ST3GAL6: variants seen among roughly 807,000 people sequenced by gnomAD.
The protein encoded by ST3GAL6 is type 2 lactosamine alpha-2,3-sialyltransferase.
Under a neutral mutation model 40.5 loss-of-function variants are expected in ST3GAL6, and 31 were observed. The observed-to-expected ratio is 0.77, with a 90% CI of 0.58 to 1.03. The LOEUF (loss-of-function observed/expected upper bound fraction) is 1.03. ST3GAL6 is among the 50% of genes least tolerant of loss of function. ST3GAL6 has a pLI of 0.00. For missense variants in ST3GAL6, 357 were observed against 393.2 expected, an observed-to-expected ratio of 0.91 and a Z score of 0.78; for synonymous variants, 129 against 136.9, an observed-to-expected ratio of 0.94 and a Z score of 0.40.
intron 6 of ST3GAL6, among the ~76,000 whole-genome samples, chr3:98,786,128 T>A (rs1431718283): frequency 1.3e-5 from 2 of 152,056 alleles, no homozygotes; most frequent in Admixed American, 1.3e-4. Flanking sequence ...AGTGGGTTTG[T>A]CGAGTAGGCA....
upstream of ST3GAL6, among the ~76,000 whole-genome samples, chr3:98,761,607 C>G (rs1475004039): frequency 4.5e-5 from 5 of 110,828 alleles, 1 homozygote; most frequent in Admixed American, 5.4e-4. Flanking sequence ...AAGACTCCAT[C>G]TCAAAAAAAA....
chr3:98,784,268 G>A (rs992770312), intron 5 of ST3GAL6, among the ~76,000 whole-genome samples: 6 of 152,206 alleles, frequency 3.9e-5, no homozygotes, highest in African/African-American at 1.2e-4. Context: ...CCAGCAACAC[G>A]AAGTTCCCCT....
chr3:98,792,206 C>CT, intron 9 of ST3GAL6, among the ~76,000 whole-genome samples: 1 of 152,298 alleles, frequency 6.6e-6, no homozygotes, highest in Non-Finnish European at 1.5e-5. Flanking sequence ...ATTTATGGGC[C>CT]TCATGGTTAT....
chr3:98,772,698 G>A (rs1939124943), intron 3 of ST3GAL6, 115 bp from the exon 4 acceptor site: 2 of 575,462 alleles, frequency 3.5e-6, no homozygotes, highest in Non-Finnish European at 6.1e-6. Flanking sequence ...ATACATTTTT[G>A]TATAGCCAGT....
At chr3:98,785,181 T>C (rs2107317063) in intron 6 of ST3GAL6, 141 bp downstream of exon 6, 5 of 598,626 alleles carry the variant, frequency 8.4e-6, no homozygotes, top group Middle Eastern at 4.6e-4. Context: ...CTCTTGGTTG[T>C]TGGCTAGAGT....
At position 98,772,869 on chromosome 3, in the gene ST3GAL6, T is replaced by C. The variant is rs1939144117; in HGVS notation, c.224T>C (p.Leu75Ser). ...GCTGATTTTAGAAAGATTGCTTCCT[T>C]GTATGGTAGCGATAAGTTTGATTTG... is the stretch of plus-strand genomic sequence containing the variant. ...CAADFRKIAS[L>S]YGSDKFDLPY... The change falls in exon 4 of 10, where the codon TTG becomes TCG. Residue 75 changes from leucine to serine, a missense_variant. Leu to Ser is a moderately radical substitution (Grantham distance 145, BLOSUM62 -2). Coordinates refer to ENST00000483910, the MANE Select transcript of ST3GAL6 (RefSeq NM_001323368.2). 8 of 1,613,174 alleles carry C rather than the reference T, an allele frequency of 5.0e-6. No individual in the cohort carries two copies. Among genetic ancestry groups the C allele is most frequent in the Non-Finnish European group, 5.9e-6 (7 of 1,179,420 alleles).
chr3:98,782,733 T>C (rs1265405290), intron 5 of ST3GAL6: 3 of 492,286 alleles, frequency 6.1e-6, no homozygotes, highest in Non-Finnish European at 8.0e-6. Flanking sequence ...GGCGTGTCCA[T>C]AGATCATGTT....
chr3:98,790,147 A>G (rs1447858145), intron 8 of ST3GAL6, among the ~76,000 whole-genome samples: 1 of 152,192 alleles, frequency 6.6e-6, no homozygotes, highest in Non-Finnish European at 1.5e-5. Flanking sequence ...AAATGAAGCA[A>G]TAGTTGGAAG....
At chr3:98,793,554 A>C in intron 9 of ST3GAL6, 121 bp from the exon 10 acceptor site, 1 of 575,342 alleles carries the variant, frequency 1.7e-6, no homozygotes, top group Non-Finnish European at 3.0e-6. Flanking sequence ...AAGTACATGC[A>C]ACTCGTTACT....
At chr3:98,775,948 G>A (rs1376928678) in intron 5 of ST3GAL6, among the ~76,000 whole-genome samples, 1 of 152,176 alleles carries the variant, frequency 6.6e-6, no homozygotes, top group Non-Finnish European at 1.5e-5. Context: ...TCTAGATAAA[G>A]AATGAATGGC....
intron 5 of ST3GAL6, among the ~76,000 whole-genome samples, chr3:98,780,849 G>A (rs1036363176): frequency 6.6e-6 from 1 of 152,184 alleles, no homozygotes; most frequent in African/African-American, 2.4e-5. Context: ...GTGTGATAGA[G>A]TGGAAACTTC....
chr3:98,753,012 T>C (rs72932622), intron 1 of ST3GAL6, among the ~76,000 whole-genome samples: 129 of 152,346 alleles, frequency 8.5e-4, no homozygotes, highest in African/African-American at 3.1e-3. Flanking sequence ...GGATGAGTTG[T>C]ATATCTCTCA....
At chr3:98,765,378 C>T (rs923716821) in intron 1 of ST3GAL6, among the ~76,000 whole-genome samples, 4 of 152,176 alleles carry the variant, frequency 2.6e-5, no homozygotes, top group African/African-American at 9.7e-5. Flanking sequence ...GACAACTCAA[C>T]CTTATAAACC....
intron 8 of ST3GAL6, among the ~76,000 whole-genome samples, chr3:98,789,716 G>T (rs887858905): frequency 1.3e-5 from 2 of 152,154 alleles, no homozygotes; most frequent in Non-Finnish European, 2.9e-5. Flanking sequence ...GAGGGTAAAG[G>T]ACAGCTTCTG....
rs1941500167 is a variant in ST3GAL6 at position 98,795,044 on chromosome 3, C to G, written c.*1283C>G. 1 of 152,176 alleles carries G rather than the reference C, an allele frequency of 6.6e-6. No individual in the cohort carries two copies. The highest frequency in any genetic ancestry group is 1.5e-5 in the Non-Finnish European group (1 of 68,026). The allele number at this position is 152,176 out of a possible 1,614,324, so 9.4% of individuals were successfully genotyped here. A position where few individuals can be genotyped will look rare whatever the true frequency, so the allele number is the denominator to read the frequency against. On this transcript the variant is annotated 3_prime_UTR_variant, in exon 10 of 10. Coordinates refer to ENST00000483910, the MANE Select transcript of ST3GAL6 (RefSeq NM_001323368.2). ...ACCAGAGAATCTGATCCAATGCAAGCCAGTCAATCCTACAAATGTGGTGAG... is the reference window on the plus strand; with the variant it reads ...ACCAGAGAATCTGATCCAATGCAAGGCAGTCAATCCTACAAATGTGGTGAG...
In ST3GAL6 at chr3:98,794,382, A is replaced by T. The variant is rs1941442538; in HGVS notation, c.*621A>T. 1 of 152,208 alleles carries T rather than the reference A, an allele frequency of 6.6e-6. No individual in the cohort carries two copies. The highest frequency in any genetic ancestry group is 1.5e-5 in the Non-Finnish European group (1 of 68,042). The allele number at this position is 152,208 out of a possible 1,614,324, so 9.4% of individuals were successfully genotyped here. On this transcript the variant is annotated 3_prime_UTR_variant, in exon 10 of 10. Transcript: ENST00000483910. ...ATAAGTAAATAACTAAAGAAAGAAT[A>T]CAATTACTAAACTCTGATGGCTTTG...
chr3:98,782,409 A>G, intron 5 of ST3GAL6: 1 of 650,582 alleles, frequency 1.5e-6, no homozygotes, highest in Non-Finnish European at 2.8e-6. Context: ...AAAAGGCTGT[A>G]CCATGACTCT....
intron 2 of ST3GAL6, among the ~76,000 whole-genome samples, chr3:98,769,704 C>T (rs975286591): frequency 2.0e-5 from 3 of 152,210 alleles, no homozygotes; most frequent in African/African-American, 7.2e-5. Context: ...GATATTAGCT[C>T]AGACAGTTGT....
intron 1 of ST3GAL6, among the ~76,000 whole-genome samples, chr3:98,758,262 A>G (rs1047551150): frequency 3.3e-5 from 5 of 152,212 alleles, no homozygotes; most frequent in Non-Finnish European, 7.3e-5. Context: ...TAGAGTCACC[A>G]TGGTATTTGC....
Sources: gnomAD v4.1 joint callset for allele counts (sites outside exome capture counted in the v4.1 genomes callset) on GRCh38, gnomAD v4.1.1 for gene constraint, MANE v1.5 for transcripts, NCBI Gene and HGNC (gene_info 2026-07-23, HGNC 2026-07-21) for gene names.